Variants in DDX59 observed in about 807,000 individuals in gnomAD.
DDX59 encodes the protein probable ATP-dependent RNA helicase DDX59.
In DDX59, 30 loss-of-function variants were observed where a neutral mutation model predicts 51.9. That is an observed-to-expected ratio of 0.58 (90% CI 0.43 to 0.78). The LOEUF (loss-of-function observed/expected upper bound fraction) is 0.78, where lower values mean the gene tolerates loss of function less well. Ranked by LOEUF, DDX59 falls within the 30% of genes least tolerant of loss-of-function variation. The pLI is 0.00. For missense variants in DDX59, 672 were observed against 730.8 expected (o/e 0.92, Z 0.93); for synonymous variants, 255 against 253.3 (o/e 1.01, Z -0.06).
chr1:200,647,478 T>C (rs189716682), intron 7 of DDX59, among the ~76,000 whole-genome samples: 7 of 152,046 alleles, frequency 4.6e-5, no homozygotes, highest in Non-Finnish European at 7.4e-5. Flanking sequence ...TCTCACTGAT[T>C]ATATGTTCAC....
chr1:200,649,249 CA>C, intron 5 of DDX59, 23 bp from the exon 6 acceptor site: 1 of 1,539,862 alleles, frequency 6.5e-7, no homozygotes. Flanking sequence ...AAACATATAT[CA>C]AAAATTATTC....
rs749704980 is a variant in DDX59, at chr1:200,659,141, T to A, written c.973-25A>T. ...CCTAAATAAAAGAGAAAAAGCAAAT[T>A]AAAAAAATCAGTAATAGCTATTTTC... is the stretch of plus-strand genomic sequence containing the variant. On this transcript the variant is annotated intron_variant, in intron 3 of 7. Coordinates refer to ENST00000331314, the MANE Select transcript of DDX59 (RefSeq NM_001031725.6). 1.5e-5 allele frequency: 23 copies of A among 1,558,960 alleles called. No homozygotes were observed. The African/African-American group carries it at 2.7e-4, about 19-fold the overall frequency.
chr1:200,647,634 C>T (rs921512523), intron 7 of DDX59, among the ~76,000 whole-genome samples: 3 of 150,302 alleles, frequency 2.0e-5, no homozygotes, highest in Non-Finnish European at 4.4e-5. Context: ...AGTTTTTATA[C>T]ATACTTACCT....
chr1:200,664,095 A>G lies in DDX59; in HGVS notation c.805-9T>C, dbSNP rs1558129654. On this transcript the variant is annotated splice_polypyrimidine_tract_variant and intron_variant, in intron 2 of 7. Transcript: ENST00000331314. Reference sequence around the variant, plus strand: ...GCAGATGGAGTTTTGCTCTGCAAAGATGTGAAAAACAAGTTTAAAAACACC... The same window carrying G: ...GCAGATGGAGTTTTGCTCTGCAAAGGTGTGAAAAACAAGTTTAAAAACACC... 2 of 1,605,022 alleles carry G rather than the reference A, an allele frequency of 1.2e-6. No individual in the cohort carries two copies. Among genetic ancestry groups the G allele is most frequent in the East Asian group, 4.5e-5 (2 of 44,746 alleles).
rs142189317 is a variant in DDX59 at position 200,667,946 on chromosome 1, C to CGT, written c.-11-1197_-11-1196dup. ...TACATAACATAGCATAATGAAAAAA[C>CGT]GTGTGTGTGTGTATAAAACACATTA... is the stretch of plus-strand genomic sequence containing the variant. On this transcript the variant is annotated intron_variant, in intron 1 of 7. Coordinates refer to ENST00000331314, the MANE Select transcript of DDX59 (RefSeq NM_001031725.6). 5.7e-4 allele frequency among the ~76,000 whole-genome samples: 87 copies of CGT among 151,404 alleles called. 2 individuals carry two copies. In the South Asian group the frequency reaches 0.015, roughly 27 times the overall value.
At position 200,666,144 on chromosome 1, in the gene DDX59, G is replaced by A. The variant is rs2102929136; in HGVS notation, c.597C>T (p.Thr199=). 6.2e-7 allele frequency: 1 copy of A among 1,614,108 alleles called. No individual in the cohort carries two copies. Among genetic ancestry groups the A allele is most frequent in the South Asian group, 1.1e-5 (1 of 91,082 alleles). The stretch of plus-strand genomic sequence containing the variant: ...AATGTTCAAAGTCAATAATGGGCCT[G>A]GTGACTTCTTGCCCTTGAACTAAAA... ...LGILVQGQEV[T]RPIIDFEHCS... is the part of the protein sequence containing the mutation. Residue 199 remains threonine, a synonymous_variant, in exon 2 of 8, where the codon ACC becomes ACT. Coordinates refer to ENST00000331314, the MANE Select transcript of DDX59 (RefSeq NM_001031725.6).
intron 4 of DDX59, among the ~76,000 whole-genome samples, chr1:200,658,182 G>T (rs1364740102): frequency 6.6e-6 from 1 of 152,190 alleles, no homozygotes; most frequent in Non-Finnish European, 1.5e-5. Flanking sequence ...CTGCTGGTGA[G>T]ACATGTGGGA....
At position 200,649,207 on chromosome 1, in the gene DDX59, G is replaced by A. The variant is rs759952696; in HGVS notation, c.1334C>T (p.Pro445Leu). 1.6e-5 allele frequency: 25 copies of A among 1,567,470 alleles called. No individual in the cohort carries two copies. The highest frequency in any genetic ancestry group is 3.3e-4 in the Middle Eastern group (2 of 5,988). The change falls in exon 6 of 8, where the codon CCT becomes CTT. Residue 445 changes from proline (P) to leucine (L), a missense_variant. Physicochemically the swap from Pro to Leu is moderately conservative, Grantham distance 98 (BLOSUM62 -3). Coordinates refer to ENST00000331314, the MANE Select transcript of DDX59 (RefSeq NM_001031725.6). Reference sequence around the variant, plus strand: ...GCAGTCCACAAATACTAACACTGGAGGCTTAAAGAGTTTCTTATCCTGAAA... The same window carrying A: ...GCAGTCCACAAATACTAACACTGGAAGCTTAAAGAGTTTCTTATCCTGAAA... ...EILNDKKLFK[P>L]PVLVFVDCKL... is the part of the protein sequence containing the mutation.
At chr1:200,659,944 A>T (rs1662273576) in intron 3 of DDX59, among the ~76,000 whole-genome samples, 1 of 152,184 alleles carries the variant, frequency 6.6e-6, no homozygotes, top group South Asian at 2.1e-4. Context: ...TTGGCCTCCC[A>T]AAGTGCTGGG....
chr1:200,664,345 A>G (rs1293956534), intron 2 of DDX59, among the ~76,000 whole-genome samples: 1 of 152,208 alleles, frequency 6.6e-6, no homozygotes, highest in Admixed American at 6.5e-5. Flanking sequence ...CAAGGTGAGA[A>G]AACTGAAGGT....
rs1350261518 is a variant in DDX59 at position 200,648,553 on chromosome 1, TC to T, written c.1481del (p.Gly494GlufsTer6). 6.2e-7 allele frequency: 1 copy of T among 1,612,194 alleles called. No homozygotes were observed. The highest frequency in any genetic ancestry group is 1.7e-5 in the Admixed American group (1 of 59,558). On this transcript the variant is annotated frameshift_variant, in exon 7 of 8. Coordinates refer to ENST00000331314, the MANE Select transcript of DDX59 (RefSeq NM_001031725.6). LOFTEE classifies it high-confidence loss of function. ...CTGTGCTCACTACAACTTCATAGTC[TC>T]CTTCAAGTAATCCCTTTCCAAAAAA... The part of the protein sequence containing the change: ...RKNILKGLLE[G>X]DYEVVVSTGV...
At chr1:200,645,941 C>T (rs921869054) in intron 7 of DDX59, among the ~76,000 whole-genome samples, 5 of 151,720 alleles carry the variant, frequency 3.3e-5, no homozygotes, top group Non-Finnish European at 7.4e-5. Flanking sequence ...TGAATTGTTC[C>T]AATAAAAATA....
chr1:200,666,156 C>A lies in DDX59; in HGVS notation c.585G>T (p.Gly195=). 1 of 1,614,178 alleles carries A rather than the reference C, an allele frequency of 6.2e-7. No individual in the cohort carries two copies. The highest frequency in any genetic ancestry group is 8.5e-7 in the Non-Finnish European group (1 of 1,180,042). The change falls in exon 2 of 8, where the codon GGG becomes GGT. Residue 195 remains glycine (G), a synonymous_variant. Coordinates refer to ENST00000331314, the MANE Select transcript of DDX59 (RefSeq NM_001031725.6). The part of the protein sequence containing the change: ...LKQQLGILVQ[G]QEVTRPIIDF... ...CAATAATGGGCCTGGTGACTTCTTG[C>A]CCTTGAACTAAAATTCCCAGCTGCT...
downstream of DDX59, among the ~76,000 whole-genome samples, chr1:200,642,894 G>A (rs936833605): frequency 3.3e-5 from 5 of 152,124 alleles, no homozygotes; most frequent in South Asian, 2.1e-4. Context: ...GTGAGAGCTG[G>A]CAGAACATGT....
intron 3 of DDX59, among the ~76,000 whole-genome samples, chr1:200,659,754 C>T (rs557349483): frequency 4.5e-4 from 69 of 152,258 alleles, no homozygotes; most frequent in Middle Eastern, 3.4e-3. Flanking sequence ...GCAGGGAGTG[C>T]GTGGCTCACT....
At chr1:200,664,946 A>AT (rs1275075146) in intron 2 of DDX59, among the ~76,000 whole-genome samples, 4 of 152,172 alleles carry the variant, frequency 2.6e-5, no homozygotes, top group African/African-American at 9.7e-5. Context: ...AAGTGCTGGG[A>AT]TTACAGGCGT....
Position 200,650,442 on chromosome 1 carries a change from A to T in DDX59, c.1297T>A (p.Leu433Ile), listed in dbSNP as rs1661583380. 5 of 1,612,334 alleles carry T rather than the reference A, an allele frequency of 3.1e-6. No homozygotes were observed. The South Asian group carries it at 3.3e-5, about 11-fold the overall frequency. The stretch of plus-strand genomic sequence containing the variant: ...CTACTCACATTTAAAATTTCAAATA[A>T]TTTTTTCTTTTTGGCTGGGTCTTCT... ...WVEDPAKKKK[L>I]FEILNDKKLF... Residue 433 changes from leucine (L) to isoleucine (I), a missense_variant, in exon 5 of 8, where the codon TTA becomes ATA. Transcript: ENST00000331314.
rs1356090076 is a variant in DDX59, at chr1:200,663,946, C to T, written c.945G>A (p.Gln315=). The T allele has an allele frequency of 1.9e-6, 3 of 1,613,314 alleles. No homozygotes were observed. The African/African-American group carries it at 4.0e-5, about 22-fold the overall frequency. The change falls in exon 3 of 8, where the codon CAG becomes CAA. Residue 315 remains glutamine, a synonymous_variant. Transcript: ENST00000331314. ...LLVGGLPLPP[Q]LYRLQQHVKV... ...TAACATGTTGTTGCAGACGATAAAG[C>T]TGTGGGGGTAAGGGTAAGCCCCCTA...
At chr1:200,643,468 C>G (rs918229433), downstream of DDX59, among the ~76,000 whole-genome samples, 2 of 151,706 alleles carry the variant, frequency 1.3e-5, no homozygotes, top group Admixed American at 6.6e-5. Flanking sequence ...ACAGTGAAAC[C>G]CCATCTCTAC....
Sources: gnomAD v4.1 joint callset for allele counts (sites outside exome capture counted in the v4.1 genomes callset) on GRCh38, gnomAD v4.1.1 for gene constraint, MANE v1.5 for transcripts, NCBI Gene and HGNC (gene_info 2026-07-23, HGNC 2026-07-21) for gene names.